The following WDR7 variants were observed in gnomAD, a reference collection of about 807,000 sequenced individuals.
WDR7 encodes the protein WD repeat-containing protein 7.
WDR7 carries 46 observed loss-of-function variants against 169.4 expected under a neutral mutation model. The ratio of observed to expected loss-of-function variants is 0.27; its 90% CI spans 0.21 to 0.35. The LOEUF is 0.35. WDR7 is among the 10% of genes least tolerant of loss of function. WDR7 has a pLI of 1.00. For missense variants in WDR7, 1,534 were observed against 1,859.3 expected (o/e 0.83, Z 3.22); for synonymous variants, 612 against 666.8 (o/e 0.92, Z 1.27).
intron 1 of WDR7, among the ~76,000 whole-genome samples, chr18:56,660,364 A>G (rs534653460): frequency 6.6e-6 from 1 of 152,332 alleles, no homozygotes; most frequent in South Asian, 2.1e-4. Context: ...ATGCTCCAAA[A>G]TCCAAAACTC....
chr18:56,673,369 A>G (rs551323452), intron 2 of WDR7, among the ~76,000 whole-genome samples: 2 of 152,298 alleles, frequency 1.3e-5, no homozygotes, highest in East Asian at 3.9e-4. Context: ...TTTTTAAATT[A>G]CTTTTTTTGG....
chr18:56,918,673 C>G (rs1240878263), intron 21 of WDR7, among the ~76,000 whole-genome samples: 3 of 152,112 alleles, frequency 2.0e-5, no homozygotes, highest in Non-Finnish European at 4.4e-5. Context: ...AAACTTAGTA[C>G]ATTGTTTATA....
At chr18:56,876,665 TAAAAAA>T (rs956483671) in intron 20 of WDR7, among the ~76,000 whole-genome samples, 9 of 151,846 alleles carry the variant, frequency 5.9e-5, no homozygotes, top group African/African-American at 1.9e-4. Context: ...AAAAAATTGA[TAAAAAA>T]GAAGAGGAAA....
intron 19 of WDR7, among the ~76,000 whole-genome samples, chr18:56,804,687 T>C (rs1465998267): frequency 6.6e-6 from 1 of 152,188 alleles, no homozygotes; most frequent in African/African-American, 2.4e-5. Flanking sequence ...GCTGAGATAC[T>C]GTGTTAGACA....
chr18:57,019,372 A>T (rs999076567), intron 26 of WDR7, among the ~76,000 whole-genome samples: 6 of 152,304 alleles, frequency 3.9e-5, no homozygotes, highest in Admixed American at 6.5e-5. Context: ...CTTTACAAAC[A>T]TGGGTACTCT....
chr18:56,977,921 G>A (rs538332454), intron 26 of WDR7, among the ~76,000 whole-genome samples: 5 of 152,270 alleles, frequency 3.3e-5, no homozygotes, highest in East Asian at 3.9e-4. Context: ...ATGTAAATGC[G>A]TTGTCAGAGA....
intron 13 of WDR7, among the ~76,000 whole-genome samples, chr18:56,719,024 C>G (rs2144745214): frequency 6.6e-6 from 1 of 152,322 alleles, no homozygotes; most frequent in Non-Finnish European, 1.5e-5. Context: ...TTCATTTTAA[C>G]TGGTAGTACA....
chr18:56,777,438 C>T (rs542579503), intron 17 of WDR7, among the ~76,000 whole-genome samples: 6 of 152,118 alleles, frequency 3.9e-5, no homozygotes, highest in Admixed American at 3.3e-4. Context: ...GTATTTAAGG[C>T]GTAGTTGGGC....
intron 16 of WDR7, among the ~76,000 whole-genome samples, chr18:56,768,962 G>A (rs1362900847): frequency 1.3e-5 from 2 of 152,140 alleles, no homozygotes; most frequent in South Asian, 2.1e-4. Context: ...CAATATTAGG[G>A]CACTTCATTG....
At chr18:57,011,592 G>A (rs559161050) in intron 26 of WDR7, among the ~76,000 whole-genome samples, 113 of 152,290 alleles carry the variant, frequency 7.4e-4, no homozygotes, top group African/African-American at 2.6e-3. Context: ...TGCCAAAACA[G>A]GTTGACTTTA....
chr18:56,781,238 C>A (rs1289300426), intron 18 of WDR7, among the ~76,000 whole-genome samples: 1 of 152,046 alleles, frequency 6.6e-6, no homozygotes, highest in African/African-American at 2.4e-5. Flanking sequence ...TTGGAAAATG[C>A]AGTTTTAAAG....
intron 11 of WDR7, among the ~76,000 whole-genome samples, 183 bp from the exon 12 acceptor site, chr18:56,696,059 G>C (rs1478529079): frequency 6.6e-6 from 1 of 152,284 alleles, no homozygotes; most frequent in East Asian, 1.9e-4. Context: ...CCCATTTCAA[G>C]TGCTCAGTAG....
intron 2 of WDR7, 149 bp downstream of exon 2, chr18:56,672,823 T>C: frequency 2.2e-5 from 16 of 742,010 alleles, no homozygotes; most frequent in Non-Finnish European, 3.1e-5. Context: ...AGATTCATTA[T>C]TTACACTATT....
intron 26 of WDR7, among the ~76,000 whole-genome samples, chr18:56,968,220 G>T (rs1259355705): frequency 6.6e-6 from 1 of 152,018 alleles, no homozygotes; most frequent in African/African-American, 2.4e-5. Flanking sequence ...GTTCCTTAAA[G>T]AACCTGTTCT....
intron 16 of WDR7, 70 bp downstream of exon 16, chr18:56,759,023 G>A (rs1450757934): frequency 1.8e-5 from 22 of 1,240,464 alleles, no homozygotes; most frequent in South Asian, 2.9e-5. Context: ...CATAGCTAAT[G>A]TATAATCATA....
chr18:56,829,402 C>G (rs2045270804), intron 20 of WDR7, among the ~76,000 whole-genome samples: 1 of 152,028 alleles, frequency 6.6e-6, no homozygotes, highest in South Asian at 2.1e-4. Flanking sequence ...GCTGCAAAGT[C>G]CAGCACCCCC....
intron 21 of WDR7, among the ~76,000 whole-genome samples, chr18:56,914,156 A>G (rs1257291121): frequency 1.3e-5 from 2 of 152,174 alleles, no homozygotes; most frequent in Non-Finnish European, 1.5e-5. Flanking sequence ...GCTGTCCCTC[A>G]GAGATCCCAG....
At chr18:56,669,327 T>C (rs910296800) in intron 1 of WDR7, among the ~76,000 whole-genome samples, 1 of 152,246 alleles carries the variant, frequency 6.6e-6, no homozygotes, top group South Asian at 2.1e-4. Context: ...CAATATTAAT[T>C]TTAATAACAA....
At chr18:56,970,863 A>T (rs2047474195) in intron 26 of WDR7, among the ~76,000 whole-genome samples, 3 of 152,226 alleles carry the variant, frequency 2.0e-5, no homozygotes, top group Admixed American at 1.3e-4. Context: ...GAGCACTGCT[A>T]AGTGAAAAGA....
Sources: gnomAD v4.1 joint callset for allele counts (sites outside exome capture counted in the v4.1 genomes callset) on GRCh38, gnomAD v4.1.1 for gene constraint, MANE v1.5 for transcripts, NCBI Gene and HGNC (gene_info 2026-07-23, HGNC 2026-07-21) for gene names.